Variants in PLD5 observed in about 807,000 individuals in gnomAD.
PLD5 encodes the protein phospholipase D family member 5, also known as inactive phospholipase D5.
In PLD5, 36 loss-of-function variants were observed where a neutral mutation model predicts 61.1. The observed-to-expected ratio is 0.59, with a 90% CI of 0.45 to 0.78. PLD5 has a LOEUF of 0.78. Among genes scored for constraint, PLD5 ranks in the 30% least tolerant of loss-of-function variants. PLD5 has a pLI of 0.00. For missense variants in PLD5, 515 were observed against 644.4 expected, an observed-to-expected ratio of 0.80 and a Z score of 2.17; for synonymous variants, 243 against 242.8, an observed-to-expected ratio of 1.00 and a Z score of -0.01.
intron 9 of PLD5, 82 bp from the exon 10 acceptor site, chr1:242,090,192 C>G: frequency 6.6e-7 from 1 of 1,523,268 alleles, no homozygotes; most frequent in South Asian, 1.2e-5. Flanking sequence ...AGAGTGGATT[C>G]TATTAAAAAT....
rs896603834 is a variant in PLD5, at chr1:242,256,464, C to T, written c.607+8873G>A. Reference sequence around the variant, plus strand: ...GGGTCTTTGGAAAGTGACTGAGTCACGAATGTATTGGTGTCTTGTAGCGGG... The same window carrying T: ...GGGTCTTTGGAAAGTGACTGAGTCATGAATGTATTGGTGTCTTGTAGCGGG... On this transcript the variant is annotated intron_variant, in intron 4 of 9. Coordinates refer to ENST00000536534, the MANE Select transcript of PLD5 (RefSeq NM_001372062.1). The surrounding 1 kb of genome is among the most constrained non-coding windows in gnomAD (Gnocchi z 5.7). Among the ~76,000 whole-genome samples, 11 of 152,148 alleles carry T rather than the reference C, an allele frequency of 7.2e-5. No homozygotes were observed. The highest frequency in any genetic ancestry group is 2.4e-4 in the African/African-American group (10 of 41,418).
intron 4 of PLD5, among the ~76,000 whole-genome samples, chr1:242,237,343 G>A (rs778965403): frequency 6.6e-6 from 1 of 152,142 alleles, no homozygotes; most frequent in African/African-American, 2.4e-5. Context: ...TGTGCAGTTG[G>A]TAGAGGAAAG....
intron 1 of PLD5, among the ~76,000 whole-genome samples, chr1:242,469,698 A>G (rs919717075): frequency 2.0e-5 from 3 of 152,058 alleles, no homozygotes; most frequent in African/African-American, 7.2e-5. Context: ...ATTTTTAGAC[A>G]TGGGGTCTTG....
intron 5 of PLD5, among the ~76,000 whole-genome samples, chr1:242,169,375 G>A (rs1666572305): frequency 6.6e-6 from 1 of 152,108 alleles, no homozygotes; most frequent in Non-Finnish European, 1.5e-5. Flanking sequence ...GAAGCCATGA[G>A]GGACTGAATC....
chr1:242,272,178 C>T (rs1385010400), intron 3 of PLD5, among the ~76,000 whole-genome samples: 3 of 151,958 alleles, frequency 2.0e-5, no homozygotes, highest in Admixed American at 2.0e-4. Context: ...AAAAGTGGGT[C>T]ATTTTTATGA....
At chr1:242,391,332 A>G (rs1662918470) in intron 1 of PLD5, among the ~76,000 whole-genome samples, 1 of 152,186 alleles carries the variant, frequency 6.6e-6, no homozygotes, top group Admixed American at 6.5e-5. Context: ...AGTGATCATT[A>G]TTTCAGTATC....
chr1:242,336,931 C>A (rs1433870804), intron 2 of PLD5, among the ~76,000 whole-genome samples: 3 of 152,222 alleles, frequency 2.0e-5, no homozygotes, highest in Non-Finnish European at 4.4e-5. Context: ...TACACACTAT[C>A]ATCCATTTAT....
Position 242,524,223 on chromosome 1 carries a change from C to T in PLD5, c.54G>A (p.Glu18=). The T allele has an allele frequency of 1.3e-6, 2 of 1,529,480 alleles. No individual in the cohort carries two copies. The highest frequency in any genetic ancestry group is 1.7e-6 in the Non-Finnish European group (2 of 1,143,806). The allele number at this position is 1,529,480 out of a possible 1,614,324, so 94.7% of individuals were successfully genotyped here. The change falls in exon 1 of 10, where the codon GAG becomes GAA. Residue 18 remains glutamate (E), a synonymous_variant. Transcript: ENST00000536534. ...TGGGGCGGCTTTTGAGCCTCATCTG[C>T]TCGAAGCCCTCATGGGGGGAGGCCG... ...WLSASPHEGF[E]QMRLKSRPKE...
chr1:242,253,006 A>G (rs112554441), intron 4 of PLD5, among the ~76,000 whole-genome samples: 2,034 of 151,032 alleles, frequency 0.013, 48 homozygotes, highest in African/African-American at 0.047. Context: ...TAGTAGAGAC[A>G]CGGTTTTACC....
chr1:242,405,321 G>A (rs1463718146), intron 1 of PLD5, among the ~76,000 whole-genome samples: 1 of 152,232 alleles, frequency 6.6e-6, no homozygotes, highest in Non-Finnish European at 1.5e-5. Context: ...GGGACATTTG[G>A]CAATGTCTGA....
chr1:242,275,567 T>A (rs949454332), intron 3 of PLD5, among the ~76,000 whole-genome samples: 2 of 152,174 alleles, frequency 1.3e-5, no homozygotes, highest in Non-Finnish European at 2.9e-5. Flanking sequence ...TTGCTTCCTA[T>A]GTGTCAGCGA....
At chr1:242,154,025 G>A (rs1465115024) in intron 5 of PLD5, among the ~76,000 whole-genome samples, 1 of 152,082 alleles carries the variant, frequency 6.6e-6, no homozygotes, top group Non-Finnish European at 1.5e-5. Context: ...TTATTTCCTT[G>A]AGCAGTGGTT....
At chr1:242,434,101 C>G (rs1665866298) in intron 1 of PLD5, among the ~76,000 whole-genome samples, 1 of 152,194 alleles carries the variant, frequency 6.6e-6, no homozygotes, top group Non-Finnish European at 1.5e-5. Flanking sequence ...ATTCTGACCG[C>G]TATGCTAAGA....
intron 1 of PLD5, among the ~76,000 whole-genome samples, chr1:242,418,519 A>G (rs146466379): frequency 2.6e-5 from 4 of 152,200 alleles, no homozygotes; most frequent in African/African-American, 9.6e-5. Flanking sequence ...CAATAGTCAG[A>G]CATCAGCACT....
intron 5 of PLD5, 46 bp from the exon 6 acceptor site, chr1:242,124,711 G>T (rs758573625): frequency 1.3e-6 from 2 of 1,513,598 alleles, no homozygotes; most frequent in East Asian, 2.3e-5. Context: ...GTGTCTTTTG[G>T]TGTTATTTTC....
intron 1 of PLD5, among the ~76,000 whole-genome samples, chr1:242,364,120 C>T (rs1020779068): frequency 6.6e-6 from 1 of 151,860 alleles, no homozygotes; most frequent in African/African-American, 2.4e-5. Flanking sequence ...CTTTTATGCA[C>T]TTAATGACCT....
At chr1:242,393,033 G>A (rs11576279) in intron 1 of PLD5, among the ~76,000 whole-genome samples, 35,962 of 145,406 alleles carry the variant, frequency 0.25, 2,982 homozygotes, top group Middle Eastern at 0.31. Flanking sequence ...GTGAAACCCC[G>A]TCTCTACTAA....
At chr1:242,385,978 G>A (rs942732406) in intron 1 of PLD5, among the ~76,000 whole-genome samples, 1 of 152,138 alleles carries the variant, frequency 6.6e-6, no homozygotes, top group African/African-American at 2.4e-5. Context: ...AGGGACCAAG[G>A]CATTGACCAG....
At chr1:242,276,064 G>A (rs1674394986) in intron 3 of PLD5, among the ~76,000 whole-genome samples, 1 of 152,148 alleles carries the variant, frequency 6.6e-6, no homozygotes, top group South Asian at 2.1e-4. Flanking sequence ...AGAGCTGGGT[G>A]TGCTGGCTCA....
Sources: gnomAD v4.1 joint callset for allele counts (sites outside exome capture counted in the v4.1 genomes callset) on GRCh38, gnomAD v4.1.1 for gene constraint, Gnocchi (gnomAD v3.1) non-coding constraint, MANE v1.5 for transcripts, NCBI Gene and HGNC (gene_info 2026-07-23, HGNC 2026-07-21) for gene names.